NRK: variants seen among roughly 807,000 people sequenced by gnomAD.
NRK encodes nik-related protein kinase.
In NRK, 67 loss-of-function variants were observed where a neutral mutation model predicts 125.2. That is an observed-to-expected ratio of 0.54 (90% CI 0.44 to 0.66). The LOEUF is 0.66. Ranked by LOEUF, NRK falls within the 30% of genes least tolerant of loss-of-function variation. The probability of loss-of-function intolerance (pLI) is 0.00; values close to 1 mark genes in which losing one functional copy is unlikely to be tolerated. For missense variants in NRK, 1,224 were observed against 1,192.9 expected (o/e 1.03, Z -0.38); for synonymous variants, 458 against 429.0 (o/e 1.07, Z -0.84).
chrX:105,865,336 C>G (rs1048779500), intron 2 of NRK, among the ~76,000 whole-genome samples: 12 of 111,199 alleles, frequency 1.1e-4, no homozygotes, highest in African/African-American at 3.9e-4. Flanking sequence ...TTGGGTACTT[C>G]CCCATGAAGA....
intron 2 of NRK, among the ~76,000 whole-genome samples, chrX:105,869,281 A>G (rs2039711553): frequency 9.0e-6 from 1 of 111,608 alleles, no homozygotes; most frequent in Non-Finnish European, 1.9e-5. Flanking sequence ...AGGGCCTGGA[A>G]GTTAGAGGTA....
Position 105,953,017 on chromosome X carries a change from TTTCATTTGTA to T in NRK, c.4514-14_4514-5del. ...AAGATTTTGTGTTTTTCTGATTTTTTTTCATTTGTATTGTAGCTTTTGAATGTACACAGCG... is the reference window on the plus strand; with the variant it reads ...AAGATTTTGTGTTTTTCTGATTTTTTTTGTAGCTTTTGAATGTACACAGCG... On this transcript the variant is annotated splice_polypyrimidine_tract_variant and splice_region_variant and intron_variant, in intron 27 of 28. Transcript: ENST00000243300. 1 of 1,098,339 alleles carries T rather than the reference TTTCATTTGTA, an allele frequency of 9.1e-7. No homozygotes were observed. Among genetic ancestry groups the T allele is most frequent in the Non-Finnish European group, 1.2e-6 (1 of 829,687 alleles). The allele number at this position is 1,098,339 out of a possible 1,213,427, so 90.5% of individuals were successfully genotyped here.
In NRK at chrX:105,908,991, G is replaced by A; in HGVS notation, c.1350G>A (p.Gln450=). 8.3e-7 allele frequency: 1 copy of A among 1,209,941 alleles called. No homozygotes were observed. The highest frequency in any genetic ancestry group is 1.1e-6 in the Non-Finnish European group (1 of 894,297). The change falls in exon 13 of 29, where the codon CAG becomes CAA. Residue 450 remains glutamine, a synonymous_variant. Coordinates refer to ENST00000243300, the MANE Select transcript of NRK (RefSeq NM_198465.4). ...QGAARVFMPL[Q]AQVKAKASKP... ...CAGCTCGGGTGTTCATGCCACTACA[G>A]GCTCAGGTGAAGGCTAAGGCCTCTA...
rs2040251674 is a variant in NRK at position 105,908,747 on chromosome X, A to G, written c.1106A>G (p.Glu369Gly). ...RRFRGPSCTH[E>G]LLRLPTSSRC... ...TTTAGAGGACCCTCTTGCACTCACG[A>G]GCTTCTGAGATTGCCAACCAGCAGC... Residue 369 changes from glutamate to glycine, a missense_variant, in exon 13 of 29, where the codon GAG becomes GGG. Physicochemically the swap from Glu to Gly is moderately conservative, Grantham distance 98. Transcript: ENST00000243300. The G allele has an allele frequency of 6.7e-6, 8 of 1,200,243 alleles. No homozygotes were observed. The highest frequency in any genetic ancestry group is 2.3e-4 in the Middle Eastern group (1 of 4,277).
intron 1 of NRK, among the ~76,000 whole-genome samples, chrX:105,828,992 A>G (rs1218692255): frequency 8.9e-6 from 1 of 111,943 alleles, no homozygotes; most frequent in Non-Finnish European, 1.9e-5. Flanking sequence ...TTTATCTAAC[A>G]ATGCTTTTAT....
chrX:105,875,824 A>G (rs1220768569), intron 2 of NRK, among the ~76,000 whole-genome samples: 1 of 110,909 alleles, frequency 9.0e-6, no homozygotes, highest in African/African-American at 3.3e-5. Context: ...TCTGTTCCTC[A>G]AATACGAAAG....
rs112281554 is a variant in NRK, at chrX:105,875,526, T to A, written c.124-4673T>A. Reference sequence around the variant, plus strand: ...TTAGCTAATATTGAGTTTCATTATCTTAATAACATGGAGGACAGGACTTAA... The same window carrying A: ...TTAGCTAATATTGAGTTTCATTATCATAATAACATGGAGGACAGGACTTAA... On this transcript the variant is annotated intron_variant, in intron 2 of 28. Coordinates refer to ENST00000243300, the MANE Select transcript of NRK (RefSeq NM_198465.4). 4.1e-3 allele frequency among the ~76,000 whole-genome samples: 456 copies of A among 111,650 alleles called. 4 individuals carry two copies. Among genetic ancestry groups the A allele is most frequent in the African/African-American group, 0.014 (425 of 30,807 alleles).
chrX:105,870,965 G>A (rs1469260033), intron 2 of NRK, among the ~76,000 whole-genome samples: 1 of 110,937 alleles, frequency 9.0e-6, no homozygotes, highest in Non-Finnish European at 1.9e-5. Flanking sequence ...CAAAGGTTTG[G>A]GTAATTTAGG....
intron 19 of NRK, among the ~76,000 whole-genome samples, chrX:105,929,879 T>C (rs918786901): frequency 2.7e-5 from 3 of 111,744 alleles, no homozygotes; most frequent in Non-Finnish European, 5.7e-5. Flanking sequence ...TCAGGTTTTT[T>C]CCAGCACTTT....
At chrX:105,853,517 G>T (rs750250500) in intron 2 of NRK, among the ~76,000 whole-genome samples, 2 of 111,677 alleles carry the variant, frequency 1.8e-5, no homozygotes, top group Admixed American at 9.5e-5. Flanking sequence ...GTGCACACGC[G>T]CAAGCACACA....
Position 105,940,806 on chromosome X carries a change from AG to A in NRK, c.3958+776del, listed in dbSNP as rs750697735. Among the ~76,000 whole-genome samples the A allele has an allele frequency of 6.3e-5, 7 of 111,596 alleles. No homozygotes were observed. In the East Asian group the frequency reaches 1.4e-3, roughly 23 times the overall value. On this transcript the variant is annotated intron_variant, in intron 23 of 28. Coordinates refer to ENST00000243300, the MANE Select transcript of NRK (RefSeq NM_198465.4). Reference sequence around the variant, plus strand: ...TTCCCTCTTCATTAATTGCCTCTTCAGGCAGAACTGGTGGCATAGGTGAGAA... The same window carrying A: ...TTCCCTCTTCATTAATTGCCTCTTCAGCAGAACTGGTGGCATAGGTGAGAA...
At chrX:105,838,160 G>A (rs993394149) in intron 2 of NRK, among the ~76,000 whole-genome samples, 2 of 111,582 alleles carry the variant, frequency 1.8e-5, no homozygotes, top group Middle Eastern at 4.6e-3. Flanking sequence ...TCCTATTGTC[G>A]CTTCTCCACC....
intron 2 of NRK, among the ~76,000 whole-genome samples, chrX:105,833,201 A>G (rs1048307357): frequency 3.6e-5 from 4 of 111,323 alleles, no homozygotes; most frequent in African/African-American, 9.8e-5. Context: ...CATTTTGATC[A>G]TATCTATTAA....
chrX:105,837,587 A>G (rs185670220), intron 2 of NRK, among the ~76,000 whole-genome samples: 1 of 111,070 alleles, frequency 9.0e-6, no homozygotes, highest in East Asian at 2.9e-4. Context: ...TTAGATGCCT[A>G]TCCTCTCACC....
intron 2 of NRK, among the ~76,000 whole-genome samples, chrX:105,836,230 A>G (rs945753145): frequency 8.9e-6 from 1 of 111,834 alleles, no homozygotes; most frequent in African/African-American, 3.2e-5. Flanking sequence ...TCCAACTTTC[A>G]CATCCTCATC....
chrX:105,849,808 C>T (rs979997790), intron 2 of NRK, among the ~76,000 whole-genome samples: 1 of 112,195 alleles, frequency 8.9e-6, no homozygotes, highest in African/African-American at 3.2e-5. Flanking sequence ...TGGGCAGCTC[C>T]GCCCCTGTGG....
At chrX:105,900,151 TACACAC>T (rs202022404) in intron 8 of NRK, among the ~76,000 whole-genome samples, 1,365 of 89,333 alleles carry the variant, frequency 0.015, 11 homozygotes, top group South Asian at 0.031. Flanking sequence ...ACTGCTGAAG[TACACAC>T]ACACACACAC....
At position 105,906,530 on chromosome X, in the gene NRK, ATGT is replaced by A; in HGVS notation, c.968_970del (p.Val323del). 8.6e-7 allele frequency: 1 copy of A among 1,163,752 alleles called. No homozygotes were observed. Among genetic ancestry groups the A allele is most frequent in the Non-Finnish European group, 1.2e-6 (1 of 863,139 alleles). Reference sequence around the variant, plus strand: ...GTTCGGGATATAAAAAATGAACGACATGTTGTTGAGTCATTAACAAGGCATCTT... The same window carrying A: ...GTTCGGGATATAAAAAATGAACGACATGTTGAGTCATTAACAAGGCATCTT... On this transcript the variant is annotated inframe_deletion, in exon 11 of 29. Transcript: ENST00000243300.
At chrX:105,857,388 T>C (rs986126036) in intron 2 of NRK, among the ~76,000 whole-genome samples, 1 of 111,258 alleles carries the variant, frequency 9.0e-6, no homozygotes, top group African/African-American at 3.3e-5. Flanking sequence ...GTAAAGTTAA[T>C]ATGCATTGCT....
Sources: gnomAD v4.1 joint callset for allele counts (sites outside exome capture counted in the v4.1 genomes callset) on GRCh38, gnomAD v4.1.1 for gene constraint, MANE v1.5 for transcripts, NCBI Gene and HGNC (gene_info 2026-07-23, HGNC 2026-07-21) for gene names.